Variants in IRAK1BP1 observed in about 807,000 individuals in gnomAD.
IRAK1BP1 encodes interleukin 1 receptor associated kinase 1 binding protein 1, also known as interleukin-1 receptor-associated kinase 1-binding protein 1.
Under a neutral mutation model 28.0 loss-of-function variants are expected in IRAK1BP1, and 24 were observed. The ratio of observed to expected loss-of-function variants is 0.86; its 90% CI spans 0.62 to 1.20. The LOEUF (loss-of-function observed/expected upper bound fraction) is 1.20, where lower values mean the gene tolerates loss of function less well. IRAK1BP1 is among the 50% of genes most tolerant of loss of function. IRAK1BP1 has a pLI of 0.00. For missense variants in IRAK1BP1, 336 were observed against 316.7 expected (o/e 1.06, Z -0.46); for synonymous variants, 131 against 116.3 (o/e 1.13, Z -0.81).
chr6:78,943,176 A>T (rs1254355168), intron 4 of IRAK1BP1, among the ~76,000 whole-genome samples: 1 of 152,196 alleles, frequency 6.6e-6, no homozygotes, highest in Non-Finnish European at 1.5e-5. Flanking sequence ...ACAAAATTTA[A>T]AATTACATAT....
chr6:78,880,133 G>A (rs936010607), intron 1 of IRAK1BP1, among the ~76,000 whole-genome samples: 4 of 152,116 alleles, frequency 2.6e-5, no homozygotes, highest in Non-Finnish European at 4.4e-5. Context: ...AAAAAGAAAA[G>A]GAGAAAATCT....
intron 4 of IRAK1BP1, among the ~76,000 whole-genome samples, chr6:78,911,246 G>A (rs1388190723): frequency 1.3e-5 from 2 of 152,208 alleles, no homozygotes; most frequent in South Asian, 4.1e-4. Context: ...ATGCCAGAAC[G>A]CAGTGACCTA....
chr6:78,875,542 G>A (rs1345550559), intron 1 of IRAK1BP1, among the ~76,000 whole-genome samples: 3 of 152,144 alleles, frequency 2.0e-5, no homozygotes, highest in East Asian at 1.9e-4. Flanking sequence ...ATGAAATACT[G>A]TGTAGCCATA....
rs1772042790 is a variant in IRAK1BP1, at chr6:78,900,140, G to C, written c.*1806G>C. 6.6e-6 allele frequency: 1 copy of C among 152,142 alleles called. No homozygotes were observed. The highest frequency in any genetic ancestry group is 2.4e-5 in the African/African-American group (1 of 41,428). The allele number at this position is 152,142 out of a possible 1,614,324, so 9.4% of individuals were successfully genotyped here. ...ACTAGCCATATTTCAAGTACTTGAAGGCCACAAATGGCTTGAGACTACCTT... is the reference window on the plus strand; with the variant it reads ...ACTAGCCATATTTCAAGTACTTGAACGCCACAAATGGCTTGAGACTACCTT... On this transcript the variant is annotated 3_prime_UTR_variant, in exon 4 of 4. Transcript: ENST00000369940.
At chr6:78,894,831 G>A (rs956255987) in intron 2 of IRAK1BP1, among the ~76,000 whole-genome samples, 47 of 152,160 alleles carry the variant, frequency 3.1e-4, no homozygotes, top group African/African-American at 1.1e-3. Flanking sequence ...GTATTTGGCC[G>A]GGCGCAGTGG....
At chr6:78,868,741 C>T (rs866998398) in intron 1 of IRAK1BP1, among the ~76,000 whole-genome samples, 3 of 152,262 alleles carry the variant, frequency 2.0e-5, no homozygotes, top group African/African-American at 7.2e-5. Context: ...CTCATGTATT[C>T]CTGAAACCAG....
At chr6:78,921,654 C>T (rs1400081810) in intron 4 of IRAK1BP1, among the ~76,000 whole-genome samples, 2 of 152,208 alleles carry the variant, frequency 1.3e-5, no homozygotes, top group East Asian at 3.9e-4. Flanking sequence ...CCACGAGTGG[C>T]CTAACTGGGA....
At position 78,944,627 on chromosome 6, in the gene IRAK1BP1, C is replaced by T. The variant is rs187935045; in HGVS notation, c.*68-781C>T. Among the ~76,000 whole-genome samples, 290 of 152,252 alleles carry T rather than the reference C, an allele frequency of 1.9e-3. 1 individual carries two copies. The highest frequency in any genetic ancestry group is 2.7e-3 in the Non-Finnish European group (184 of 68,022). ...ATGACTCCCTGATTTTAAGTTTACA[C>T]GGGTAGATCCCAATGCCATTAACAA... On this transcript the variant is annotated intron_variant and NMD_transcript_variant, in intron 4 of 4. Coordinates refer to the IRAK1BP1 transcript ENST00000606868.
intron 4 of IRAK1BP1, chr6:78,941,138 A>G: frequency 6.2e-7 from 1 of 1,614,044 alleles, no homozygotes; most frequent in East Asian, 2.2e-5. Flanking sequence ...ATTTTGCTCT[A>G]AATCTTCTGG....
chr6:78,976,499 G>A, the IRAK1BP1 span, among the ~76,000 whole-genome samples: 1 of 97,646 alleles, frequency 1.0e-5, no homozygotes, highest in African/African-American at 3.6e-5. Context: ...CAAAAGCAAT[G>A]GCAACCAAAG....
chr6:78,913,785 A>T (rs1204999898), intron 4 of IRAK1BP1, among the ~76,000 whole-genome samples: 3 of 152,238 alleles, frequency 2.0e-5, no homozygotes, highest in Non-Finnish European at 4.4e-5. Flanking sequence ...AACTATTTAT[A>T]TCAAAGGAAT....
downstream of IRAK1BP1, among the ~76,000 whole-genome samples, chr6:78,947,247 C>A (rs146282113): frequency 1.3e-5 from 2 of 152,104 alleles, no homozygotes; most frequent in Non-Finnish European, 2.9e-5. Context: ...ATATAGCACT[C>A]CTTTGTGATG....
chr6:78,886,176 G>A (rs1421741266), intron 2 of IRAK1BP1, among the ~76,000 whole-genome samples: 5 of 152,066 alleles, frequency 3.3e-5, no homozygotes, highest in African/African-American at 9.7e-5. Context: ...TCCATCACCC[G>A]TTTCTATCTT....
chr6:78,954,188 A>T, the IRAK1BP1 span, among the ~76,000 whole-genome samples: 1 of 149,938 alleles, frequency 6.7e-6, no homozygotes, highest in African/African-American at 2.5e-5. Context: ...TGCAAGCTCC[A>T]CCTCCCGGGT....
chr6:78,880,829 A>T (rs1395580816), intron 1 of IRAK1BP1, among the ~76,000 whole-genome samples: 1 of 152,204 alleles, frequency 6.6e-6, no homozygotes, highest in Non-Finnish European at 1.5e-5. Flanking sequence ...ACAATGAAAT[A>T]CTGCTATGTA....
the IRAK1BP1 span, among the ~76,000 whole-genome samples, chr6:78,967,539 G>A: frequency 6.6e-6 from 1 of 152,220 alleles, no homozygotes; most frequent in Non-Finnish European, 1.5e-5. Flanking sequence ...TTTCCGAGGA[G>A]GGGCTGAAGT....
intron 4 of IRAK1BP1, chr6:78,936,549 A>T (rs935130012): frequency 6.6e-6 from 1 of 151,872 alleles, no homozygotes; most frequent in Non-Finnish European, 1.5e-5. Flanking sequence ...TGAATTGTAG[A>T]AACTCAGCCA....
chr6:78,878,509 G>C (rs1021349279), intron 1 of IRAK1BP1, among the ~76,000 whole-genome samples: 3 of 152,174 alleles, frequency 2.0e-5, no homozygotes, highest in Non-Finnish European at 4.4e-5. Context: ...CATCATCAAA[G>C]ACCAAAGGTA....
At position 78,945,443 on chromosome 6, in the gene IRAK1BP1, C is replaced by T. The variant is rs760510363; in HGVS notation, c.*103C>T. 12 of 1,610,992 alleles carry T rather than the reference C, an allele frequency of 7.4e-6. No individual in the cohort carries two copies. The South Asian group carries it at 1.2e-4, about 16-fold the overall frequency. On this transcript the variant is annotated 3_prime_UTR_variant and NMD_transcript_variant, in exon 5 of 5. Coordinates refer to the IRAK1BP1 transcript ENST00000606868. ...AGTGCCATGACTAAAACTGGATTGA[C>T]CAGGACTGGAAAGAGTATTCAAAGC...
Sources: allele counts gnomAD v4.1 joint callset (sites outside exome capture counted in the v4.1 genomes callset), GRCh38; gene constraint gnomAD v4.1.1; transcripts MANE v1.5; gene names NCBI Gene and HGNC (gene_info 2026-07-23, HGNC 2026-07-21).